The following KCNJ8 variants were observed in gnomAD, a reference collection of about 807,000 sequenced individuals.
KCNJ8 encodes the protein potassium inwardly rectifying channel subfamily J member 8.
Under a neutral mutation model 28.2 loss-of-function variants are expected in KCNJ8, and 13 were observed. That is an observed-to-expected ratio of 0.46 (90% CI 0.30 to 0.73). The LOEUF is 0.73. Ranked by LOEUF, KCNJ8 falls within the 30% of genes least tolerant of loss-of-function variation. The probability of loss-of-function intolerance (pLI) is 0.07; values close to 1 mark genes in which losing one functional copy is unlikely to be tolerated. For missense variants in KCNJ8, 284 were observed against 542.6 expected (o/e 0.52, Z 4.73); for synonymous variants, 188 against 195.9 (o/e 0.96, Z 0.34).
chr12:21,766,030 C>T lies in KCNJ8; in HGVS notation c.968G>A (p.Arg323His). 1.9e-6 allele frequency: 3 copies of T among 1,614,150 alleles called. No individual in the cohort carries two copies. The highest frequency in any genetic ancestry group is 2.5e-6 in the Non-Finnish European group (3 of 1,180,022). The part of the protein sequence containing the change: ...YIAEEIQWGH[R>H]FVSIVTEEEG... Reference sequence around the variant, plus strand: ...TTCCTCAGTCACAATGGACACAAAGCGGTGGCCCCATTGGATCTCCTCAGC... The same window carrying T: ...TTCCTCAGTCACAATGGACACAAAGTGGTGGCCCCATTGGATCTCCTCAGC... The change falls in exon 3 of 3, where the codon CGC (arginine) becomes CAC (histidine). Residue 323 changes from arginine to histidine, a missense_variant. Around this residue, in one of 8 missense-constraint regions of KCNJ8, gnomAD observed 107 missense variants for 235.6 expected, o/e 0.45. Transcript: ENST00000240662. The surrounding 1 kb of genome is among the most constrained non-coding windows in gnomAD (Gnocchi z 6.5).
At position 21,765,353 on chromosome 12, in the gene KCNJ8, G is replaced by A. The variant is rs529099624; in HGVS notation, c.*370C>T. The stretch of plus-strand genomic sequence containing the variant: ...CCAGAGTGATCATTAGTAACACAGC[G>A]ATCTGGGTTTCACCAACTAAGCATT... On this transcript the variant is annotated 3_prime_UTR_variant, in exon 3 of 3. Coordinates refer to ENST00000240662, the MANE Select transcript of KCNJ8 (RefSeq NM_004982.4). The A allele has an allele frequency of 9.7e-5, 32 of 330,452 alleles. No homozygotes were observed. The highest frequency in any genetic ancestry group is 2.2e-4 in the Admixed American group (5 of 22,386). The allele number at this position is 330,452 out of a possible 1,614,324, so 20.5% of individuals were successfully genotyped here. A position where few individuals can be genotyped will look rare whatever the true frequency, so the allele number is the denominator to read the frequency against.
chr12:21,767,607 G>T (rs182357053), intron 2 of KCNJ8, among the ~76,000 whole-genome samples: 8 of 152,026 alleles, frequency 5.3e-5, no homozygotes, highest in African/African-American at 1.9e-4. Flanking sequence ...AAAAATTGGC[G>T]TTCCGCAAAA....
chr12:21,773,500 C>T lies in KCNJ8; in HGVS notation c.117G>A (p.Lys39=). The stretch of plus-strand genomic sequence containing the variant: ...TATGCGCCAGGTTGCAGGCCCCGCT[C>T]TTGGCGATGAAGCGGGCTTTGGGGA... ...DRLPKARFIA[K]SGACNLAHKN... Residue 39 remains lysine (K), a synonymous_variant, in exon 2 of 3, where the codon AAG becomes AAA. Coordinates refer to ENST00000240662, the MANE Select transcript of KCNJ8 (RefSeq NM_004982.4). This position sits in a 1 kb window ranked among gnomAD's most constrained non-coding sequence, Gnocchi z 4.6. 3 of 1,614,266 alleles carry T rather than the reference C, an allele frequency of 1.9e-6. No homozygotes were observed. Among genetic ancestry groups the T allele is most frequent in the Non-Finnish European group, 2.5e-6 (3 of 1,180,054 alleles).
intron 2 of KCNJ8, among the ~76,000 whole-genome samples, chr12:21,772,505 G>A (rs768130798): frequency 6.6e-6 from 1 of 152,186 alleles, no homozygotes; most frequent in African/African-American, 2.4e-5. Flanking sequence ...AGAAGCCAAA[G>A]TTAGGTAATC....
At chr12:21,774,281 AAAG>A (rs753631153) in intron 1 of KCNJ8, among the ~76,000 whole-genome samples, 2 of 152,194 alleles carry the variant, frequency 1.3e-5, no homozygotes, top group Non-Finnish European at 1.5e-5. Flanking sequence ...TTGCATCTAA[AAAG>A]AGTTAAAAAG....
intron 2 of KCNJ8, among the ~76,000 whole-genome samples, chr12:21,771,222 T>C (rs1474815611): frequency 1.3e-5 from 2 of 152,172 alleles, no homozygotes; most frequent in African/African-American, 4.8e-5. Flanking sequence ...ATATCCCAAA[T>C]AGTTTGTTTT....
Position 21,766,816 on chromosome 12 carries a change from A to C in KCNJ8, c.375-193T>G. The C allele has an allele frequency of 1.6e-6, 1 of 609,862 alleles. No homozygotes were observed. Among genetic ancestry groups the C allele is most frequent in the South Asian group, 2.0e-5 (1 of 50,324 alleles). The allele number at this position is 609,862 out of a possible 1,614,324, so 37.8% of individuals were successfully genotyped here. On this transcript the variant is annotated intron_variant, in intron 2 of 2. Coordinates refer to ENST00000240662, the MANE Select transcript of KCNJ8 (RefSeq NM_004982.4). The surrounding 1 kb of genome is among the most constrained non-coding windows in gnomAD (Gnocchi z 6.5). Reference sequence around the variant, plus strand: ...GTCTCTCTCTCTCTTGCATGCATCTACCTCCAGACTTCTGGAGATTAACAT... The same window carrying C: ...GTCTCTCTCTCTCTTGCATGCATCTCCCTCCAGACTTCTGGAGATTAACAT...
In KCNJ8 at chr12:21,767,975, G is replaced by A. The variant is rs143341078; in HGVS notation, c.375-1352C>T. Among the ~76,000 whole-genome samples, 5 of 152,048 alleles carry A rather than the reference G, an allele frequency of 3.3e-5. No individual in the cohort carries two copies. In the East Asian group the frequency reaches 9.7e-4, roughly 29 times the overall value. ...ATTAGTGATATTTGATGTCATTATT[G>A]TAATTGTTTAGGGCAGCAGTCCCCA... On this transcript the variant is annotated intron_variant, in intron 2 of 2. Transcript: ENST00000240662.
chr12:21,773,281 T>A lies in KCNJ8; in HGVS notation c.336A>T (p.Lys112Asn), dbSNP rs913826938. The A allele has an allele frequency of 6.2e-7, 1 of 1,613,828 alleles. No homozygotes were observed. The highest frequency in any genetic ancestry group is 1.3e-5 in the African/African-American group (1 of 74,932). Residue 112 changes from lysine (K) to asparagine (N), a missense_variant, in exon 2 of 3, where the codon AAA (lysine) becomes AAT (asparagine). This residue lies in a region of KCNJ8 where 42 missense variants were observed against 50.9 expected (regional missense o/e 0.83). Transcript: ENST00000240662. The surrounding 1 kb of genome is among the most constrained non-coding windows in gnomAD (Gnocchi z 4.6). The part of the protein sequence containing the change: ...YAYMEKSGME[K>N]SGLESTVCVT... ...CACACACAGTGGACTCCAAACCACTTTTCTCCATTCCACTTTTCTCCATGT... is the reference window on the plus strand; with the variant it reads ...CACACACAGTGGACTCCAAACCACTATTCTCCATTCCACTTTTCTCCATGT...
chr12:21,771,873 G>C (rs952754690), intron 2 of KCNJ8, among the ~76,000 whole-genome samples: 2 of 152,174 alleles, frequency 1.3e-5, no homozygotes, highest in Non-Finnish European at 2.9e-5. Flanking sequence ...GATATTTTAA[G>C]TATTGTGTTT....
intron 2 of KCNJ8, among the ~76,000 whole-genome samples, chr12:21,772,014 GT>G (rs1223054178): frequency 3.9e-5 from 6 of 152,182 alleles, no homozygotes; most frequent in African/African-American, 1.4e-4. Context: ...ATTCAATACA[GT>G]TTTTGCTGCT....
chr12:21,770,712 A>C (rs995217570), intron 2 of KCNJ8, among the ~76,000 whole-genome samples: 1 of 152,218 alleles, frequency 6.6e-6, no homozygotes, highest in Non-Finnish European at 1.5e-5. Flanking sequence ...CACATTTGTT[A>C]CTATCAATTT....
At position 21,773,356 on chromosome 12, in the gene KCNJ8, G is replaced by C; in HGVS notation, c.261C>G (p.Phe87Leu). The change falls in exon 2 of 3, where the codon TTC becomes TTG. Residue 87 changes from phenylalanine to leucine, a missense_variant. Around this residue, in one of 8 missense-constraint regions of KCNJ8, gnomAD observed 42 missense variants for 50.9 expected, o/e 0.83. Coordinates refer to ENST00000240662, the MANE Select transcript of KCNJ8 (RefSeq NM_004982.4). This position sits in a 1 kb window ranked among gnomAD's most constrained non-coding sequence, Gnocchi z 4.6. The part of the protein sequence containing the change: ...TMSFLCSWLL[F>L]AIMWWLVAFA... ...AGGCCACCAGCCACCACATGATAGC[G>C]AAGAGCAGCCAGCTGCAGAGGAAGG... The C allele has an allele frequency of 6.2e-7, 1 of 1,614,234 alleles. No individual in the cohort carries two copies. The highest frequency in any genetic ancestry group is 1.1e-5 in the South Asian group (1 of 91,082).
In KCNJ8 at chr12:21,765,959, T is replaced by C. The variant is rs1423501903; in HGVS notation, c.1039A>G (p.Lys347Glu). The C allele has an allele frequency of 6.2e-7, 1 of 1,614,090 alleles. No homozygotes were observed. The highest frequency in any genetic ancestry group is 1.3e-5 in the African/African-American group (1 of 74,928). The change falls in exon 3 of 3, where the codon AAA becomes GAA. Residue 347 changes from lysine (K) to glutamate (E), a missense_variant. Transcript: ENST00000240662. ...GCACTGCACCGTGGAGCAGCTACTT[T>C]AACAGTGTTGCCAAATTTGGAGTAA... ...VDYSKFGNTV[K>E]VAAPRCSARE...
chr12:21,769,503 G>A lies in KCNJ8; in HGVS notation c.375-2880C>T, dbSNP rs529923301. 8.0e-4 allele frequency among the ~76,000 whole-genome samples: 122 copies of A among 152,186 alleles called. 1 individual carries two copies. Among genetic ancestry groups the A allele is most frequent in the African/African-American group, 2.8e-3 (115 of 41,522 alleles). The stretch of plus-strand genomic sequence containing the variant: ...CAGCCATGAGTCAGGGAGTAATTTC[G>A]ACTTTTAAGGCCTATTACTTAAGAA... On this transcript the variant is annotated intron_variant, in intron 2 of 2. Coordinates refer to ENST00000240662, the MANE Select transcript of KCNJ8 (RefSeq NM_004982.4).
chr12:21,771,704 ATTTC>A (rs1374527717), intron 2 of KCNJ8, among the ~76,000 whole-genome samples: 1 of 152,132 alleles, frequency 6.6e-6, no homozygotes, highest in Non-Finnish European at 1.5e-5. Context: ...TGCTGTTACC[ATTTC>A]TTTTTTCTCT....
At position 21,773,760 on chromosome 12, in the gene KCNJ8, G is replaced by GAT. The variant is rs1365887917; in HGVS notation, c.-70-76_-70-75dup. The GAT allele has an allele frequency of 2.7e-6, 3 of 1,131,684 alleles. No homozygotes were observed. The highest frequency in any genetic ancestry group is 1.8e-5 in the Admixed American group (1 of 54,802). 70.1% of individuals were successfully genotyped at this position (1,131,684 alleles called of 1,614,324 possible). A position where few individuals can be genotyped will look rare whatever the true frequency, so the allele number is the denominator to read the frequency against. On this transcript the variant is annotated intron_variant, in intron 1 of 2. Coordinates refer to ENST00000240662, the MANE Select transcript of KCNJ8 (RefSeq NM_004982.4). This position sits in a 1 kb window ranked among gnomAD's most constrained non-coding sequence, Gnocchi z 4.6. ...CACCTCTTGGGTCCTTGTATTCAAG[G>GAT]ATATGTCTGTACATGTGCGAGGTGA...
intron 2 of KCNJ8, among the ~76,000 whole-genome samples, chr12:21,771,924 GC>G (rs772642120): frequency 9.9e-5 from 15 of 152,040 alleles, no homozygotes; most frequent in Non-Finnish European, 1.9e-4. Flanking sequence ...TTTTCCAGCT[GC>G]ATTTTCTTTG....
In KCNJ8 at chr12:21,766,150, G is replaced by A. The variant is rs145194613; in HGVS notation, c.848C>T (p.Thr283Ile). The change falls in exon 3 of 3, where the codon ACT (threonine) becomes ATT (isoleucine). Residue 283 changes from threonine to isoleucine, a missense_variant. Thr to Ile is a moderately conservative substitution (Grantham distance 89, BLOSUM62 -1). Transcript: ENST00000240662. The surrounding 1 kb of genome is among the most constrained non-coding windows in gnomAD (Gnocchi z 6.5). Reference protein sequence around the residue: ...KRSPLYDISATDLANQDLEVI... With the variant: ...KRSPLYDISAIDLANQDLEVI... ...CTCCAAGTCTTGGTTGGCCAGGTCA[G>A]TTGCTGAGATGTCATACAGGGGACT... 4.3e-6 allele frequency: 7 copies of A among 1,614,028 alleles called. No homozygotes were observed. In the African/African-American group the frequency reaches 8.0e-5, roughly 18 times the overall value.
Sources: allele counts gnomAD v4.1 joint callset (sites outside exome capture counted in the v4.1 genomes callset), GRCh38; gene constraint gnomAD v4.1.1; regional missense constraint gnomAD v4.1.1; non-coding constraint Gnocchi (gnomAD v3.1); transcripts MANE v1.5; gene names NCBI Gene and HGNC (gene_info 2026-07-23, HGNC 2026-07-21).